The following PDLIM2 variants were observed in gnomAD, a reference collection of about 807,000 sequenced individuals.
PDLIM2 encodes the protein PDZ and LIM domain 2.
In PDLIM2, 51 loss-of-function variants were observed where a neutral mutation model predicts 54.1. That is an observed-to-expected ratio of 0.94 (90% CI 0.75 to 1.19). The LOEUF is 1.19. Ranked by LOEUF, PDLIM2 falls within the 50% of genes most tolerant of loss-of-function variation. The pLI is 0.00. For missense variants in PDLIM2, 912 were observed against 874.0 expected, an observed-to-expected ratio of 1.04 and a Z score of -0.55; for synonymous variants, 398 against 385.6, an observed-to-expected ratio of 1.03 and a Z score of -0.38.
chr8:22,579,279 T>C, exon 1 of PDLIM2: 1 of 1,370,110 alleles, frequency 7.3e-7, no homozygotes, highest in South Asian at 1.7e-5. Context: ...GGCGCCGGGC[T>C]CCTCTCCGCG....
chr8:22,591,560 C>T (rs1800547567), exon 9 of PDLIM2: 1 of 1,613,654 alleles, frequency 6.2e-7, no homozygotes, highest in Non-Finnish European at 8.5e-7. Flanking sequence ...GGTGGCACGC[C>T]AGCCTTCTTG....
intron 3 of PDLIM2, among the ~76,000 whole-genome samples, chr8:22,584,450 C>G (rs1010726290): frequency 1.9e-4 from 29 of 152,020 alleles, no homozygotes; most frequent in African/African-American, 7.0e-4. Context: ...CTGGGACTAC[C>G]GGCATGCACC....
In PDLIM2 at chr8:22,589,705, C is replaced by T. The variant is rs1178339417; in HGVS notation, c.1477C>T (p.Arg493Trp). Residue 493 changes from arginine (R) to tryptophan (W), a missense_variant, in exon 8 of 10, where the codon CGG becomes TGG. By Grantham distance (101) the Arg-to-Trp change is moderately radical (BLOSUM62 -3). Coordinates refer to ENST00000308354, the Ensembl canonical transcript of PDLIM2. ...GGCCCCCCGACAGTCCAGCTCCTTT[C>T]GGCTCTTGCAGGAAGCCCTGGAGGC... The T allele has an allele frequency of 1.3e-5, 20 of 1,571,644 alleles. No individual in the cohort carries two copies. The highest frequency in any genetic ancestry group is 2.3e-5 in the East Asian group (1 of 42,800).
At chr8:22,589,501 T>TGCCC in intron 7 of PDLIM2, 95 bp from the exon 7 acceptor site, 4 of 1,503,348 alleles carry the variant, frequency 2.7e-6, no homozygotes, top group Non-Finnish European at 3.6e-6. Flanking sequence ...CCCAGATTCC[T>TGCCC]CCCCCTCCCC....
At chr8:22,581,680 G>T in intron 3 of PDLIM2, 150 bp downstream of exon 2, 1 of 1,151,436 alleles carries the variant, frequency 8.7e-7, no homozygotes, top group Non-Finnish European at 1.2e-6. Flanking sequence ...AAGGTCCTGG[G>T]CTCTGCTTCC....
chr8:22,595,320 GATC>G (rs1800662861), downstream of PDLIM2: 1 of 152,260 alleles, frequency 6.6e-6, no homozygotes, highest in African/African-American at 2.4e-5. Flanking sequence ...TTATAGAAAA[GATC>G]AAGGCTGTCT....
chr8:22,589,608 A>AG lies in PDLIM2; in HGVS notation c.1385dup (p.Ser463LysfsTer40). 1 of 1,602,982 alleles carries AG rather than the reference A, an allele frequency of 6.2e-7. No individual in the cohort carries two copies. The highest frequency in any genetic ancestry group is 8.5e-7 in the Non-Finnish European group (1 of 1,175,334). ...TCCCACCCTGCAGCATGGACTCGGA[A>AG]GGGGGAAGCCTCCTCCTGGACGAGG... On this transcript the variant is annotated frameshift_variant, in exon 8 of 10. Transcript: ENST00000308354. LOFTEE classifies it high-confidence loss of function.
At chr8:22,586,601 A>AT in intron 6 of PDLIM2, among the ~76,000 whole-genome samples, 1 of 151,000 alleles carries the variant, frequency 6.6e-6, no homozygotes, top group African/African-American at 2.4e-5. Flanking sequence ...GGGCTGGGGG[A>AT]TTTTTTAGGG....
intron 8 of PDLIM2, 125 bp from the exon 8 acceptor site, chr8:22,591,426 A>T: frequency 2.5e-6 from 2 of 811,292 alleles, no homozygotes; most frequent in Non-Finnish European, 4.2e-6. Flanking sequence ...ACCTGGTGCC[A>T]CTGTCAGCGT....
rs775369997 is a variant in PDLIM2 at position 22,584,993 on chromosome 8, C to A, written c.1066-24C>A. On this transcript the variant is annotated intron_variant, in intron 4 of 9. Transcript: ENST00000308354. ...CCTTGGCGGGGCAGCCCTGCCTTTC[C>A]TGACACAGTCACTCTCTCCACAGGG... 7.4e-6 allele frequency: 12 copies of A among 1,613,328 alleles called. No homozygotes were observed. The South Asian group carries it at 1.1e-4, about 15-fold the overall frequency.
At chr8:22,579,517 C>G (rs1208032095) in exon 1 of PDLIM2, 1 of 1,502,946 alleles carries the variant, frequency 6.7e-7, no homozygotes, top group African/African-American at 1.4e-5. Flanking sequence ...AGTCCACTGA[C>G]CGGCTCAAAG....
chr8:22,588,918 C>A, intron 6 of PDLIM2: 1 of 313,548 alleles, frequency 3.2e-6, no homozygotes, highest in Non-Finnish European at 5.9e-6. Flanking sequence ...CTGCTGGTTC[C>A]GTGGGATCGG....
downstream of PDLIM2, chr8:22,594,460 G>T: frequency 6.2e-7 from 1 of 1,609,976 alleles, no homozygotes; most frequent in South Asian, 1.1e-5. Context: ...TCCCATGGAA[G>T]GGCCTTGCCT....
chr8:22,589,487 A>ACCTCCCAGATTCCTCCCCCTCCC (rs1800473269), intron 7 of PDLIM2, 109 bp from the exon 7 acceptor site: 1 of 1,521,138 alleles, frequency 6.6e-7, no homozygotes, highest in East Asian at 2.5e-5. Context: ...TGGCTCCTCC[A>ACCTCCCAGATTCCTCCCCCTCCC]CCTCCCAGAT....
At chr8:22,585,444 T>A in intron 6 of PDLIM2, 45 bp downstream of exon 5, 1 of 1,547,522 alleles carries the variant, frequency 6.5e-7, no homozygotes, top group South Asian at 1.2e-5. Context: ...CAGAAGCACC[T>A]CCCGTTCCTG....
rs147368012 is a variant in PDLIM2, at chr8:22,593,761, C to T, written c.1660C>T (p.Arg554Trp). 4.5e-5 allele frequency: 72 copies of T among 1,600,274 alleles called. No individual in the cohort carries two copies. Among genetic ancestry groups the T allele is most frequent in the East Asian group, 3.6e-4 (16 of 44,398 alleles). Residue 554 changes from arginine (R) to tryptophan (W), a missense_variant, in exon 10 of 10, where the codon CGG becomes TGG. By Grantham distance (101) the Arg-to-Trp change is moderately radical (BLOSUM62 -3). Transcript: ENST00000308354. ...CCAGGCTGTGCGCATCCAGGAGGGC[C>T]GGTACCGCCACCCCGGCTGCTACAC...
intron 1 of PDLIM2, chr8:22,579,780 C>T (rs1283683219): frequency 4.8e-6 from 2 of 420,110 alleles, no homozygotes; most frequent in Non-Finnish European, 8.4e-6. Context: ...GAGCTAGAGG[C>T]TCAGGAAATC....
At chr8:22,580,288 G>A in intron 1 of PDLIM2, 187 bp from the exon 1 acceptor site, 1 of 419,424 alleles carries the variant, frequency 2.4e-6, no homozygotes, top group Non-Finnish European at 4.4e-6. Context: ...CCCTCCACTT[G>A]CCAGCCCCTG....
At chr8:22,591,551 G>T in exon 9 of PDLIM2, 2 of 1,613,534 alleles carry the variant, frequency 1.2e-6, no homozygotes, top group Non-Finnish European at 1.7e-6. Flanking sequence ...CTGCCCCCAG[G>T]TGGCACGCCA....
Sources: allele counts gnomAD v4.1 joint callset (sites outside exome capture counted in the v4.1 genomes callset), GRCh38; gene constraint gnomAD v4.1.1; transcripts MANE v1.5; gene names NCBI Gene and HGNC (gene_info 2026-07-23, HGNC 2026-07-21).